Variants in TRIML1 observed in about 807,000 individuals in gnomAD.
The protein encoded by TRIML1 is tripartite motif family like 1.
TRIML1 carries 34 observed loss-of-function variants against 32.3 expected under a neutral mutation model. That is an observed-to-expected ratio of 1.05 (90% CI 0.80 to 1.40). The LOEUF (loss-of-function observed/expected upper bound fraction) is 1.40. Ranked by LOEUF, TRIML1 falls within the 40% of genes most tolerant of loss-of-function variation. TRIML1 has a pLI of 0.00. For missense variants in TRIML1, 595 were observed against 574.9 expected, an observed-to-expected ratio of 1.03 and a Z score of -0.36; for synonymous variants, 244 against 226.6, an observed-to-expected ratio of 1.08 and a Z score of -0.69.
rs756458995 is a variant in TRIML1, at chr4:188,147,126, C to T, written c.1161C>T (p.Tyr387=). 35 of 1,613,980 alleles carry T rather than the reference C, an allele frequency of 2.2e-5. No homozygotes were observed. Among genetic ancestry groups the T allele is most frequent in the Non-Finnish European group, 2.6e-5 (31 of 1,180,034 alleles). ...SLIGLKIGDD[Y]SLWVSSPLKG... Reference sequence around the variant, plus strand: ...TAGGTTTAAAAATCGGAGATGATTACAGCCTCTGGGTCTCGTCACCTTTGA... The same window carrying T: ...TAGGTTTAAAAATCGGAGATGATTATAGCCTCTGGGTCTCGTCACCTTTGA... Residue 387 remains tyrosine, a synonymous_variant, in exon 6 of 6, where the codon TAC becomes TAT. Transcript: ENST00000332517.
At chr4:188,142,178 C>A (rs189125581) in intron 2 of TRIML1, 74 bp from the exon 3 acceptor site, 23 of 1,058,814 alleles carry the variant, frequency 2.2e-5, no homozygotes, top group South Asian at 2.9e-5. Flanking sequence ...AATCTACAGA[C>A]AAGGGCATTT....
At chr4:188,138,446 C>A (rs557647975), upstream of TRIML1, among the ~76,000 whole-genome samples, 16 of 152,124 alleles carry the variant, frequency 1.1e-4, no homozygotes, top group Admixed American at 1.0e-3. Context: ...ACTCGCTGGC[C>A]TTTGAGGAAG....
intron 5 of TRIML1, 79 bp from the exon 6 acceptor site, chr4:188,146,743 G>A (rs1445491633): frequency 8.7e-7 from 1 of 1,150,188 alleles, no homozygotes; most frequent in Non-Finnish European, 1.1e-6. Flanking sequence ...TAAATACTAA[G>A]AATTCAATGG....
Position 188,140,580 on chromosome 4 carries a change from A to G in TRIML1, c.461A>G (p.Gln154Arg). 1 of 1,614,120 alleles carries G rather than the reference A, an allele frequency of 6.2e-7. No individual in the cohort carries two copies. The highest frequency in any genetic ancestry group is 8.5e-7 in the Non-Finnish European group (1 of 1,179,974). ...NLLRVRRKEA[Q>R]AVLTHEKERV... is the part of the protein sequence containing the mutation. The stretch of plus-strand genomic sequence containing the variant: ...TTGCGTGTAAGGAGAAAGGAAGCTC[A>G]GGCTGTACTAACCCATGAGAAGGAG... Residue 154 changes from glutamine (Q) to arginine (R), a missense_variant, in exon 2 of 6, where the codon CAG becomes CGG. Physicochemically the swap from Gln to Arg is conservative, Grantham distance 43. Coordinates refer to ENST00000332517, the MANE Select transcript of TRIML1 (RefSeq NM_178556.5).
downstream of TRIML1, chr4:188,147,887 A>G (rs1277688103): frequency 2.6e-5 from 4 of 152,252 alleles, no homozygotes; most frequent in African/African-American, 9.7e-5. Context: ...CCCAAAAGCC[A>G]TTTTCCTTCC....
Position 188,146,939 on chromosome 4 carries a change from A to G in TRIML1, c.974A>G (p.Asp325Gly). The stretch of plus-strand genomic sequence containing the variant: ...CTACCCGACAACCCGGAAAGATTTG[A>G]CCAGTCTGCGACTGTGCTGGGTACT... ...QQLPDNPERF[D>G]QSATVLGTQI... Residue 325 changes from aspartate (D) to glycine (G), a missense_variant, in exon 6 of 6, where the codon GAC (aspartate) becomes GGC (glycine). Asp to Gly is a moderately conservative substitution (Grantham distance 94, BLOSUM62 -1). Coordinates refer to ENST00000332517, the MANE Select transcript of TRIML1 (RefSeq NM_178556.5). The G allele has an allele frequency of 6.6e-7, 1 of 1,505,202 alleles. No individual in the cohort carries two copies. The highest frequency in any genetic ancestry group is 1.4e-5 in the South Asian group (1 of 72,242). The allele number at this position is 1,505,202 out of a possible 1,614,324, so 93.2% of individuals were successfully genotyped here.
chr4:188,143,724 T>G, intron 3 of TRIML1, 114 bp from the exon 4 acceptor site: 1 of 1,265,636 alleles, frequency 7.9e-7, no homozygotes, highest in Non-Finnish European at 1.2e-6. Context: ...CCACTCATGG[T>G]GTGCTTCATG....
upstream of TRIML1, among the ~76,000 whole-genome samples, chr4:188,137,442 A>G (rs1470132331): frequency 6.8e-6 from 1 of 147,826 alleles, no homozygotes; most frequent in Admixed American, 6.8e-5. Flanking sequence ...AGCTGGGATT[A>G]CAGGCGTGCA....
At chr4:188,140,005 C>A in intron 1 of TRIML1, 39 bp downstream of exon 1, 1 of 1,542,418 alleles carries the variant, frequency 6.5e-7, no homozygotes, top group Non-Finnish European at 8.8e-7. Context: ...CGACTCATCG[C>A]AGCTAACTCC....
In TRIML1 at chr4:188,147,034, A is replaced by G. The variant is rs1402085821; in HGVS notation, c.1069A>G (p.Ile357Val). 1.2e-6 allele frequency: 2 copies of G among 1,609,224 alleles called. No homozygotes were observed. Among genetic ancestry groups the G allele is most frequent in the Admixed American group, 3.4e-5 (2 of 59,446 alleles). The change falls in exon 6 of 6, where the codon ATC becomes GTC. Residue 357 changes from isoleucine to valine, a missense_variant. Transcript: ENST00000332517. ...AAACAAGACCGAGTGGGAAGTGGGCATCTGCAAGGACTCTGTGAGCAGAAA... is the reference window on the plus strand; with the variant it reads ...AAACAAGACCGAGTGGGAAGTGGGCGTCTGCAAGGACTCTGTGAGCAGAAA... The part of the protein sequence containing the change: ...VGNKTEWEVG[I>V]CKDSVSRKGN...
rs777590538 is a variant in TRIML1, at chr4:188,146,813, C to T, written c.857-9C>T. On this transcript the variant is annotated splice_polypyrimidine_tract_variant and intron_variant, in intron 5 of 5. Coordinates refer to ENST00000332517, the MANE Select transcript of TRIML1 (RefSeq NM_178556.5). ...CCCAAGGGAAATCTCTTCTTTCCTC[C>T]TCTTGCAGCGGAGATAACGCTGGAC... 3 of 1,356,428 alleles carry T rather than the reference C, an allele frequency of 2.2e-6. No individual in the cohort carries two copies. In the South Asian group the frequency reaches 7.8e-5, roughly 35 times the overall value. 84.0% of individuals were successfully genotyped at this position (1,356,428 alleles called of 1,614,324 possible). A position where few individuals can be genotyped will look rare whatever the true frequency, so the allele number is the denominator to read the frequency against.
chr4:188,145,157 G>C (rs1159698941), intron 5 of TRIML1, among the ~76,000 whole-genome samples: 1 of 152,114 alleles, frequency 6.6e-6, no homozygotes, highest in East Asian at 1.9e-4. Context: ...TATGATTGGG[G>C]CCGGGTGCGG....
chr4:188,138,576 T>G (rs990207927), upstream of TRIML1, among the ~76,000 whole-genome samples: 1 of 152,138 alleles, frequency 6.6e-6, no homozygotes, highest in Non-Finnish European at 1.5e-5. Context: ...CGGAGTTCAC[T>G]GTGCACAGTC....
intron 3 of TRIML1, 111 bp from the exon 4 acceptor site, chr4:188,143,727 G>A: frequency 1.5e-6 from 2 of 1,315,824 alleles, no homozygotes; most frequent in Non-Finnish European, 1.1e-6. Context: ...CTCATGGTGT[G>A]CTTCATGGGA....
intron 1 of TRIML1, 32 bp from the exon 2 acceptor site, chr4:188,140,496 C>A: frequency 6.4e-7 from 1 of 1,571,340 alleles, no homozygotes; most frequent in South Asian, 1.1e-5. Flanking sequence ...GGACTCTGCT[C>A]ATTTGCCAGA....
intron 2 of TRIML1, 22 bp downstream of exon 2, chr4:188,140,645 G>T: frequency 1.9e-6 from 3 of 1,573,126 alleles, no homozygotes; most frequent in Non-Finnish European, 2.6e-6. Context: ...TCTGACTTTT[G>T]CTGCTTGTAT....
rs923788673 is a variant in TRIML1 at position 188,147,441 on chromosome 4, G to T, written c.*69G>T. The T allele has an allele frequency of 4.3e-5, 57 of 1,335,314 alleles. No individual in the cohort carries two copies. The African/African-American group carries it at 7.8e-4, about 18-fold the overall frequency. 82.7% of individuals were successfully genotyped at this position (1,335,314 alleles called of 1,614,324 possible). On this transcript the variant is annotated 3_prime_UTR_variant, in exon 6 of 6. Transcript: ENST00000332517. ...AGACACAACTATTAAGACGATGAAGGCATCGACAGTATTAATGTCAGGTGA... is the reference window on the plus strand; with the variant it reads ...AGACACAACTATTAAGACGATGAAGTCATCGACAGTATTAATGTCAGGTGA...
intron 3 of TRIML1, chr4:188,143,614 A>G (rs1734945291): frequency 3.3e-6 from 2 of 612,516 alleles, no homozygotes; most frequent in East Asian, 5.4e-5. Flanking sequence ...AGAAAAAGAA[A>G]AGGACAAAGT....
In TRIML1 at chr4:188,146,867, T is replaced by A; in HGVS notation, c.902T>A (p.Leu301Ter). The A allele has an allele frequency of 6.9e-7, 1 of 1,449,156 alleles. No homozygotes were observed. Among genetic ancestry groups the A allele is most frequent in the South Asian group, 1.7e-5 (1 of 59,270 alleles). 89.8% of individuals were successfully genotyped at this position (1,449,156 alleles called of 1,614,324 possible). A position where few individuals can be genotyped will look rare whatever the true frequency, so the allele number is the denominator to read the frequency against. ...DPATANAYLVLSEDLKSVKYG... is the reference protein window; with the variant it reads ...DPATANAYLV Reference sequence around the variant, plus strand: ...GCCACAGCTAATGCCTATCTCGTGTTGTCGGAGGATCTGAAGAGTGTGAAA... The same window carrying A: ...GCCACAGCTAATGCCTATCTCGTGTAGTCGGAGGATCTGAAGAGTGTGAAA... Residue 301 changes from leucine to a stop codon, truncating the protein, a stop_gained, in exon 6 of 6, where the codon TTG becomes TAG. Coordinates refer to ENST00000332517, the MANE Select transcript of TRIML1 (RefSeq NM_178556.5). LOFTEE classifies it low-confidence loss of function (END_TRUNC).
Sources: allele counts gnomAD v4.1 joint callset (sites outside exome capture counted in the v4.1 genomes callset), GRCh38; gene constraint gnomAD v4.1.1; transcripts MANE v1.5; gene names NCBI Gene and HGNC (gene_info 2026-07-23, HGNC 2026-07-21).